Variants in ATP11A observed in about 807,000 individuals in gnomAD.
The protein encoded by ATP11A is phospholipid-transporting ATPase IH.
ATP11A carries 81 observed loss-of-function variants against 154.4 expected under a neutral mutation model. The observed-to-expected ratio is 0.52, with a 90% CI of 0.44 to 0.63. ATP11A has a LOEUF of 0.63. Ranked by LOEUF, ATP11A falls within the 30% of genes least tolerant of loss-of-function variation. The pLI is 0.00. For missense variants in ATP11A, 1,316 were observed against 1,474.3 expected (o/e 0.89, Z 1.76); for synonymous variants, 623 against 585.9 (o/e 1.06, Z -0.91).
At chr13:112,715,854 T>C (rs1420490024) in intron 1 of ATP11A, among the ~76,000 whole-genome samples, 1 of 151,638 alleles carries the variant, frequency 6.6e-6, no homozygotes, top group African/African-American at 2.4e-5. Flanking sequence ...GGGGAAGGTG[T>C]TTGCCAGAGA....
chr13:112,700,060 T>TG (rs1460611184), intron 1 of ATP11A, among the ~76,000 whole-genome samples: 1 of 150,612 alleles, frequency 6.6e-6, no homozygotes, highest in Non-Finnish European at 1.5e-5. Flanking sequence ...TTTTTTTTTT[T>TG]GGCTTGGAAA....
At chr13:112,828,209 G>A (rs1168562386) in intron 12 of ATP11A, among the ~76,000 whole-genome samples, 4 of 147,434 alleles carry the variant, frequency 2.7e-5, no homozygotes, top group Admixed American at 2.0e-4. Context: ...GGGGGAAAGC[G>A]CCCAGCAGTG....
intron 2 of ATP11A, among the ~76,000 whole-genome samples, chr13:112,797,284 C>CAAAAAAAAAAAAA: frequency 2.8e-5 from 1 of 36,284 alleles, no homozygotes; most frequent in Non-Finnish European, 4.8e-5. Context: ...AACTCCATCT[C>CAAAAAAAAAAAAA]AAAAAAAAAA....
In ATP11A at chr13:112,870,906, G is replaced by T. The variant is rs796930427; in HGVS notation, c.2992-829G>T. On this transcript the variant is annotated intron_variant, in intron 25 of 29. Coordinates refer to ENST00000375645, the MANE Select transcript of ATP11A (RefSeq NM_015205.3). ...GAGGCGTGCTGTCCTCACGGGTCGG[G>T]CACGCGGTCCTCACGGGTGTGTCTG... Among the ~76,000 whole-genome samples the T allele has an allele frequency of 2.6e-5, 4 of 152,190 alleles. No individual in the cohort carries two copies. The South Asian group carries it at 8.3e-4, about 31-fold the overall frequency.
intron 1 of ATP11A, among the ~76,000 whole-genome samples, chr13:112,778,626 A>G (rs1374151386): frequency 7.5e-6 from 1 of 133,962 alleles, no homozygotes; most frequent in African/African-American, 2.9e-5. Context: ...TAGCCACTGG[A>G]GTGAGTAGCC....
In ATP11A at chr13:112,859,166, C is replaced by T. The variant is rs192333177; in HGVS notation, c.2668-227C>T. ...GCCTTCTTGTTTCTCTTGGAGCTGA[C>T]AAATTTCCTCTATACGTTGTCTGTC... On this transcript the variant is annotated intron_variant, in intron 22 of 29. Coordinates refer to ENST00000375645, the MANE Select transcript of ATP11A (RefSeq NM_015205.3). The surrounding 1 kb of genome is among the most constrained non-coding windows in gnomAD (Gnocchi z 4.3). 62 of 546,228 alleles carry T rather than the reference C, an allele frequency of 1.1e-4. 3 individuals carry two copies. The Admixed American group carries it at 1.4e-3, about 12-fold the overall frequency. 33.8% of individuals were successfully genotyped at this position (546,228 alleles called of 1,614,324 possible). A position where few individuals can be genotyped will look rare whatever the true frequency, so the allele number is the denominator to read the frequency against.
intron 25 of ATP11A, among the ~76,000 whole-genome samples, chr13:112,869,304 C>G (rs1438710475): frequency 6.6e-6 from 1 of 152,214 alleles, no homozygotes; most frequent in African/African-American, 2.4e-5. Context: ...CTTTGTTCCT[C>G]ACCTATAAAG....
chr13:112,834,233 TCAA>T (rs1432787192), intron 14 of ATP11A, among the ~76,000 whole-genome samples: 1 of 152,216 alleles, frequency 6.6e-6, no homozygotes, highest in African/African-American at 2.4e-5. Flanking sequence ...TGTTCTCCGC[TCAA>T]CAACAACAAA....
chr13:112,862,377 C>T (rs539379619), intron 24 of ATP11A, 63 bp from the exon 25 acceptor site: 2 of 1,598,394 alleles, frequency 1.3e-6, no homozygotes. Flanking sequence ...CACCCCAGAG[C>T]CTGGGGGAGG....
intron 1 of ATP11A, among the ~76,000 whole-genome samples, chr13:112,752,096 A>G (rs2076706663): frequency 1.3e-5 from 2 of 152,142 alleles, no homozygotes; most frequent in African/African-American, 4.8e-5. Flanking sequence ...TTGGTCATTC[A>G]TTTGTTAGGA....
chr13:112,819,159 G>C (rs1002677429), intron 6 of ATP11A, 145 bp from the exon 7 acceptor site: 19 of 692,040 alleles, frequency 2.7e-5, no homozygotes, highest in Non-Finnish European at 4.8e-5. Flanking sequence ...AGGAATAACA[G>C]TAGTACCTTA....
At chr13:112,836,052 CTG>C (rs1033868569) in intron 15 of ATP11A, 124 bp from the exon 16 acceptor site, 2 of 605,328 alleles carry the variant, frequency 3.3e-6, no homozygotes, top group African/African-American at 3.7e-5. Context: ...CAGCAGCCCT[CTG>C]TGTGTCCCCT....
intron 6 of ATP11A, among the ~76,000 whole-genome samples, chr13:112,817,535 T>A (rs1226157446): frequency 2.0e-5 from 3 of 152,244 alleles, no homozygotes; most frequent in Admixed American, 6.5e-5. Flanking sequence ...CTCTGGAACC[T>A]GGGAGGAGGT....
intron 1 of ATP11A, among the ~76,000 whole-genome samples, chr13:112,703,665 A>G (rs1470223465): frequency 1.3e-5 from 2 of 152,106 alleles, no homozygotes; most frequent in African/African-American, 4.8e-5. Flanking sequence ...CCCTTCTTAG[A>G]TGTAACAGAC....
Position 112,883,062 on chromosome 13 carries a change from C to T in ATP11A, c.*1196C>T. The T allele has an allele frequency of 2.5e-6, 1 of 397,632 alleles. No individual in the cohort carries two copies. Among genetic ancestry groups the T allele is most frequent in the Non-Finnish European group, 4.4e-6 (1 of 225,896 alleles). 24.6% of individuals were successfully genotyped at this position (397,632 alleles called of 1,614,324 possible). A position where few individuals can be genotyped will look rare whatever the true frequency, so the allele number is the denominator to read the frequency against. ...TCACCTCGTCCCCACATCCCCTTGC[C>T]CCGTCACCTCGTCCTCATGTCCCCT... On this transcript the variant is annotated 3_prime_UTR_variant, in exon 30 of 30. Transcript: ENST00000375645.
At chr13:112,797,586 C>T (rs1594732496) in intron 2 of ATP11A, among the ~76,000 whole-genome samples, 1 of 152,188 alleles carries the variant, frequency 6.6e-6, no homozygotes, top group South Asian at 2.1e-4. Flanking sequence ...AAACTTTCTT[C>T]CAGAAACCAT....
In ATP11A at chr13:112,699,256, A is replaced by G. The variant is rs115764858; in HGVS notation, c.39+8801A>G. On this transcript the variant is annotated intron_variant, in intron 1 of 29. Coordinates refer to ENST00000375645, the MANE Select transcript of ATP11A (RefSeq NM_015205.3). ...AAGGATAAAGACCACTTAGATGAATATATTTTCAAATTCTTACTCTGAATG... is the reference window on the plus strand; with the variant it reads ...AAGGATAAAGACCACTTAGATGAATGTATTTTCAAATTCTTACTCTGAATG... Among the ~76,000 whole-genome samples, 1,300 of 152,342 alleles carry G rather than the reference A, an allele frequency of 8.5e-3. 24 individuals carry two copies. Among genetic ancestry groups the G allele is most frequent in the African/African-American group, 0.028 (1,174 of 41,572 alleles).
At chr13:112,799,141 G>A (rs916082401) in intron 2 of ATP11A, among the ~76,000 whole-genome samples, 3 of 152,210 alleles carry the variant, frequency 2.0e-5, no homozygotes, top group Non-Finnish European at 4.4e-5. Flanking sequence ...TAACAACAGA[G>A]GGTCAAAATA....
chr13:112,831,306 CTGTG>C, intron 12 of ATP11A, 65 bp from the exon 13 acceptor site: 1 of 1,542,344 alleles, frequency 6.5e-7, no homozygotes, highest in Non-Finnish European at 8.9e-7. Flanking sequence ...AACACGGCTG[CTGTG>C]TGTCTGAGTC....
Sources: allele counts gnomAD v4.1 joint callset (sites outside exome capture counted in the v4.1 genomes callset), GRCh38; gene constraint gnomAD v4.1.1; non-coding constraint Gnocchi (gnomAD v3.1); transcripts MANE v1.5; gene names NCBI Gene and HGNC (gene_info 2026-07-23, HGNC 2026-07-21).